The following NBN variants were observed in gnomAD, a reference collection of about 807,000 sequenced individuals.
NBN encodes the protein Nijmegen breakage syndrome 1 (nibrin).
NBN carries 88 observed loss-of-function variants against 90.8 expected under a neutral mutation model. That is an observed-to-expected ratio of 0.97 (90% confidence interval 0.82 to 1.16). The LOEUF (loss-of-function observed/expected upper bound fraction) is 1.16, where lower values mean the gene tolerates loss of function less well. Ranked by LOEUF, NBN falls within the 50% of genes most tolerant of loss-of-function variation. The probability of loss-of-function intolerance (pLI) is 0.00; values close to 1 mark genes in which losing one functional copy is unlikely to be tolerated. For synonymous variants in NBN, 328 were observed against 295.1 expected, an observed-to-expected ratio of 1.11 and a Z score of -1.14; for missense variants, 894 against 869.6, an observed-to-expected ratio of 1.03 and a Z score of -0.35.
In NBN at chr8:89,970,540, G is replaced by A. The variant is rs781323381; in HGVS notation, c.720C>T (p.Ser240=). 4.9e-5 allele frequency: 79 copies of A among 1,613,306 alleles called. No homozygotes were observed. The highest frequency in any genetic ancestry group is 5.4e-5 in the Non-Finnish European group (64 of 1,179,542). ...CTTCCCCACCTCCAAAGACAACTGC[G>A]GAACTCAATTTCTTATGCTAAAAAT... ...LNAKQHKKLS[S]AVVFGGGEAR... Residue 240 remains serine, a synonymous_variant, in exon 7 of 16, where the codon TCC becomes TCT. Coordinates refer to ENST00000265433, the MANE Select transcript of NBN (RefSeq NM_002485.5).
rs1809612529 is a variant in NBN at position 89,935,215 on chromosome 8, AT to A, written c.*366del. 7.1e-6 allele frequency: 2 copies of A among 282,030 alleles called. No individual in the cohort carries two copies. Among genetic ancestry groups the A allele is most frequent in the Admixed American group, 9.5e-5 (2 of 20,990 alleles). The allele number at this position is 282,030 out of a possible 1,614,324, so 17.5% of individuals were successfully genotyped here. A position where few individuals can be genotyped will look rare whatever the true frequency, so the allele number is the denominator to read the frequency against. ...ATAGGACTCAAAAATCCCTGGAAAGATTCATAAGAAATGAGTATCATGAATT... is the reference window on the plus strand; with the variant it reads ...ATAGGACTCAAAAATCCCTGGAAAGATCATAAGAAATGAGTATCATGAATT... On this transcript the variant is annotated 3_prime_UTR_variant, in exon 16 of 16. Coordinates refer to ENST00000265433, the MANE Select transcript of NBN (RefSeq NM_002485.5).
At position 89,935,744 on chromosome 8, in the gene NBN, G is replaced by A. The variant is rs1809641097; in HGVS notation, c.2235-132C>T. ...AATGACAATTTTGTCCTTAGGATCA[G>A]ATACTAAGCACTGACATTTTTATTT... On this transcript the variant is annotated intron_variant, in intron 15 of 15. Coordinates refer to ENST00000265433, the MANE Select transcript of NBN (RefSeq NM_002485.5). 4 of 1,076,760 alleles carry A rather than the reference G, an allele frequency of 3.7e-6. No individual in the cohort carries two copies. In the East Asian group the frequency reaches 7.3e-5, roughly 20 times the overall value. The allele number at this position is 1,076,760 out of a possible 1,614,324, so 66.7% of individuals were successfully genotyped here.
At chr8:89,964,614 T>TA in intron 7 of NBN, 107 bp from the exon 8 acceptor site, 1 of 1,128,436 alleles carries the variant, frequency 8.9e-7, no homozygotes, top group South Asian at 1.4e-5. Context: ...CAAATAATTT[T>TA]ATGGTATAGA....
chr8:89,957,735 T>C (rs952174266), intron 9 of NBN, among the ~76,000 whole-genome samples: 26 of 152,268 alleles, frequency 1.7e-4, no homozygotes, highest in Admixed American at 5.9e-4. Context: ...TGTGTTACAA[T>C]TGCCTACAGT....
intron 7 of NBN, 104 bp downstream of exon 7, chr8:89,970,260 A>C: frequency 9.5e-7 from 1 of 1,053,018 alleles, no homozygotes. Flanking sequence ...AAAAAAAAAA[A>C]ATTCTTGTAT....
At chr8:89,962,905 C>A (rs943575825) in intron 8 of NBN, among the ~76,000 whole-genome samples, 1 of 152,138 alleles carries the variant, frequency 6.6e-6, no homozygotes, top group Non-Finnish European at 1.5e-5. Flanking sequence ...AAATATAAGC[C>A]ATTTGTACTG....
rs1282135631 is a variant in NBN, at chr8:89,934,965, T to A, written c.*617A>T. The A allele has an allele frequency of 4.3e-6, 1 of 232,718 alleles. No individual in the cohort carries two copies. Among genetic ancestry groups the A allele is most frequent in the African/African-American group, 2.2e-5 (1 of 45,298 alleles). 14.4% of individuals were successfully genotyped at this position (232,718 alleles called of 1,614,324 possible). ...AAGTCTCCACATGGTCTTCAGTTTC[T>A]AGTACTAGAATAACATGTAGGTGAC... is the stretch of plus-strand genomic sequence containing the variant. On this transcript the variant is annotated 3_prime_UTR_variant, in exon 16 of 16. Transcript: ENST00000265433.
intron 1 of NBN, 133 bp downstream of exon 1, chr8:89,984,392 C>A: frequency 1.2e-6 from 1 of 834,672 alleles, no homozygotes; most frequent in Non-Finnish European, 2.0e-6. Context: ...ATACAGCGTA[C>A]TCGCCGCTTC....
At chr8:89,979,019 C>T (rs559873207) in intron 4 of NBN, among the ~76,000 whole-genome samples, 1 of 152,200 alleles carries the variant, frequency 6.6e-6, no homozygotes, top group Admixed American at 6.5e-5. Flanking sequence ...GCTCTGTTGT[C>T]CAGGCTGGAC....
At chr8:89,982,474 C>T in intron 2 of NBN, 6 of 538,218 alleles carry the variant, frequency 1.1e-5, no homozygotes, top group South Asian at 1.1e-4. Flanking sequence ...CTATGTCCTA[C>T]TTCCTCTGAG....
intron 11 of NBN, among the ~76,000 whole-genome samples, chr8:89,951,008 A>ATC (rs1418555393): frequency 2.6e-5 from 4 of 152,076 alleles, no homozygotes; most frequent in African/African-American, 9.7e-5. Context: ...CTAATCTGGG[A>ATC]TGGAATTTAA....
At chr8:89,963,563 A>C in intron 8 of NBN, among the ~76,000 whole-genome samples, 1 of 152,226 alleles carries the variant, frequency 6.6e-6, no homozygotes, top group East Asian at 1.9e-4. Flanking sequence ...CAACTTACTA[A>C]AAAATTTTTT....
chr8:89,971,179 G>A lies in NBN; in HGVS notation c.696C>T (p.Ala232=), dbSNP rs566091759. ...TAGCTTATAACATAATTACCTGTTTGGCATTCAAAAATATAAATGTTTTCC... is the reference window on the plus strand; with the variant it reads ...TAGCTTATAACATAATTACCTGTTTAGCATTCAAAAATATAAATGTTTTCC... The part of the protein sequence containing the change: ...FKGKTFIFLN[A]KQHKKLSSAV... Residue 232 remains alanine (A), a synonymous_variant, in exon 6 of 16, where the codon GCC becomes GCT. Transcript: ENST00000265433. 15 of 1,611,972 alleles carry A rather than the reference G, an allele frequency of 9.3e-6. No individual in the cohort carries two copies. The Admixed American group carries it at 1.8e-4, about 20-fold the overall frequency.
Position 89,935,814 on chromosome 8 carries a change from C to CA in NBN, c.2235-203dup, listed in dbSNP as rs556885709. 6.6e-4 allele frequency among the ~76,000 whole-genome samples: 96 copies of CA among 145,304 alleles called. 1 individual carries two copies. Among genetic ancestry groups the CA allele is most frequent in the South Asian group, 2.0e-3 (9 of 4,564 alleles). The stretch of plus-strand genomic sequence containing the variant: ...TGCTTTGATGAAAATATGGTAAAAA[C>CA]AAAAAAAAAATCAACAATAACAAAA... On this transcript the variant is annotated intron_variant, in intron 15 of 15. Transcript: ENST00000265433.
chr8:89,947,178 T>C (rs1185008152), intron 12 of NBN, among the ~76,000 whole-genome samples: 1 of 152,308 alleles, frequency 6.6e-6, no homozygotes, highest in South Asian at 2.1e-4. Context: ...TTATCTGATA[T>C]AAATCCTGCT....
At position 89,955,567 on chromosome 8, in the gene NBN, G is replaced by C. The variant is rs1810676263; in HGVS notation, c.1125-12C>G. 3 of 1,610,530 alleles carry C rather than the reference G, an allele frequency of 1.9e-6. No homozygotes were observed. In the African/African-American group the frequency reaches 4.0e-5, roughly 22 times the overall value. On this transcript the variant is annotated splice_polypyrimidine_tract_variant and intron_variant, in intron 9 of 15. Coordinates refer to ENST00000265433, the MANE Select transcript of NBN (RefSeq NM_002485.5). The stretch of plus-strand genomic sequence containing the variant: ...TTTCACTCAAATCCCTGTAGAAAAA[G>C]AAAAGAATGCAAGGTAAATAATCAA...
chr8:89,955,050 T>C (rs970667124), intron 10 of NBN, among the ~76,000 whole-genome samples: 1 of 152,010 alleles, frequency 6.6e-6, no homozygotes, highest in Non-Finnish European at 1.5e-5. Flanking sequence ...TTGAAGAGAA[T>C]TGCGGCAAGT....
intron 14 of NBN, chr8:89,937,357 T>C (rs1346793261): frequency 1.9e-5 from 8 of 425,968 alleles, no homozygotes; most frequent in Non-Finnish European, 4.3e-6. Context: ...TTAAACACTC[T>C]TTCCAGCAAA....
intron 13 of NBN, 53 bp downstream of exon 13, chr8:89,946,087 T>G: frequency 7.6e-7 from 1 of 1,316,690 alleles, no homozygotes; most frequent in Non-Finnish European, 1.1e-6. Flanking sequence ...ATCACTGGTA[T>G]CTCTAAAAAC....
Sources: allele counts gnomAD v4.1 joint callset (sites outside exome capture counted in the v4.1 genomes callset), GRCh38; gene constraint gnomAD v4.1.1; transcripts MANE v1.5; gene names NCBI Gene and HGNC (gene_info 2026-07-23, HGNC 2026-07-21).